PTPRD: variants seen among roughly 807,000 people sequenced by gnomAD.
PTPRD encodes protein tyrosine phosphatase receptor type D, also known as receptor-type tyrosine-protein phosphatase delta.
A neutral mutation model predicts 214.5 loss-of-function variants in PTPRD; 34 were observed. The ratio of observed to expected loss-of-function variants is 0.16; its 90% CI spans 0.12 to 0.21. PTPRD has a LOEUF of 0.21. Among genes scored for constraint, PTPRD ranks in the 10% least tolerant of loss-of-function variants. The pLI, the probability that PTPRD is intolerant of heterozygous loss-of-function variation, is 1.00. For missense variants in PTPRD, 2,545 were observed against 2,398.7 expected, an observed-to-expected ratio of 1.06 and a Z score of -1.27; for synonymous variants, 1,128 against 845.7, an observed-to-expected ratio of 1.33 and a Z score of -5.79.
chr9:9,932,159 A>C (rs1448892666), intron 5 of PTPRD, among the ~76,000 whole-genome samples: 1 of 148,388 alleles, frequency 6.7e-6, no homozygotes, highest in Non-Finnish European at 1.5e-5. Context: ...AAACTCTAAA[A>C]TGCAGAGTGC....
At chr9:10,350,058 A>G (rs570791581) in intron 2 of PTPRD, among the ~76,000 whole-genome samples, 1 of 152,344 alleles carries the variant, frequency 6.6e-6, no homozygotes, top group South Asian at 2.1e-4. Context: ...ATAAGTTCAC[A>G]GACTAGAAAA....
intron 2 of PTPRD, among the ~76,000 whole-genome samples, chr9:10,592,944 G>A (rs1300898043): frequency 6.6e-6 from 1 of 151,734 alleles, no homozygotes; most frequent in African/African-American, 2.4e-5. Flanking sequence ...TGGAAGCTTT[G>A]TTCTTTCATG....
chr9:8,999,908 T>C lies in PTPRD; in HGVS notation c.-104+18789A>G, dbSNP rs62529158. 7.6e-3 allele frequency among the ~76,000 whole-genome samples: 1,152 copies of C among 152,082 alleles called. 8 individuals carry two copies. Among genetic ancestry groups the C allele is most frequent in the Non-Finnish European group, 0.013 (870 of 67,958 alleles). ...AAGAAAAATAAATCCTCTCAACAAT[T>C]TTCTAAAAGCCTGGCTAAACTAGGG... On this transcript the variant is annotated intron_variant, in intron 11 of 45. Transcript: ENST00000381196.
chr9:9,887,527 A>G (rs16930507), intron 5 of PTPRD, among the ~76,000 whole-genome samples: 11,870 of 152,178 alleles, frequency 0.078, 1,430 homozygotes, highest in African/African-American at 0.26. Flanking sequence ...GGTAAAGCCC[A>G]TCATCAAGGG....
At chr9:9,695,581 T>A (rs924820608) in intron 7 of PTPRD, among the ~76,000 whole-genome samples, 1 of 152,220 alleles carries the variant, frequency 6.6e-6, no homozygotes, top group Non-Finnish European at 1.5e-5. Flanking sequence ...GTTCCTTTTA[T>A]ACCCAGTTTA....
chr9:10,326,490 A>T (rs752958665), intron 3 of PTPRD, among the ~76,000 whole-genome samples: 2 of 151,710 alleles, frequency 1.3e-5, no homozygotes, highest in East Asian at 3.9e-4. Flanking sequence ...AAAGCCAAAA[A>T]GTTGAATATT....
intron 11 of PTPRD, among the ~76,000 whole-genome samples, chr9:8,742,480 T>C (rs1237645468): frequency 6.6e-6 from 1 of 152,224 alleles, no homozygotes; most frequent in Non-Finnish European, 1.5e-5. Flanking sequence ...ACAGGTTTTC[T>C]TAATGAATGC....
At chr9:8,685,733 G>A (rs2154376591) in intron 12 of PTPRD, among the ~76,000 whole-genome samples, 1 of 152,294 alleles carries the variant, frequency 6.6e-6, no homozygotes, top group South Asian at 2.1e-4. Flanking sequence ...AGCCACAGAA[G>A]AGGTACAGGC....
intron 10 of PTPRD, among the ~76,000 whole-genome samples, chr9:9,060,414 A>G (rs2099704906): frequency 6.6e-6 from 1 of 152,204 alleles, no homozygotes; most frequent in Admixed American, 6.5e-5. Flanking sequence ...AAATAACATG[A>G]GAATAATTTT....
chr9:10,266,810 G>T (rs547478962), intron 3 of PTPRD, among the ~76,000 whole-genome samples: 5 of 152,240 alleles, frequency 3.3e-5, no homozygotes, highest in African/African-American at 1.2e-4. Context: ...AATTTAGCGT[G>T]TAAAGCCCAT....
chr9:10,076,184 G>A (rs12000430), intron 3 of PTPRD, among the ~76,000 whole-genome samples: 4,538 of 152,012 alleles, frequency 0.03, 162 homozygotes, highest in African/African-American at 0.083. Flanking sequence ...GAGGGTCTAC[G>A]TCTTGCACTG....
intron 8 of PTPRD, among the ~76,000 whole-genome samples, chr9:9,402,985 A>C (rs1466452022): frequency 2.8e-4 from 41 of 147,264 alleles, no homozygotes; most frequent in Non-Finnish European, 5.2e-4. Flanking sequence ...AAAAAAAAAA[A>C]AAAACACCAA....
At chr9:8,441,891 C>T (rs928946029) in intron 34 of PTPRD, among the ~76,000 whole-genome samples, 15 of 152,162 alleles carry the variant, frequency 9.9e-5, no homozygotes, top group African/African-American at 2.7e-4. Context: ...TTTCACATGA[C>T]GCCATGCTGT....
chr9:9,521,552 A>T (rs1051843989), intron 8 of PTPRD, among the ~76,000 whole-genome samples: 2 of 152,160 alleles, frequency 1.3e-5, no homozygotes, highest in African/African-American at 2.4e-5. Context: ...CTAGGAATGC[A>T]CTTTCTCTAA....
rs540060619 is a variant in PTPRD, at chr9:8,357,432, G to A, written c.4662-15454C>T. ...GTCTAGGCCTATTTGGAGACCCCAA[G>A]CTGCCTTCCTTACTGGACTGGAACC... is the stretch of plus-strand genomic sequence containing the variant. On this transcript the variant is annotated intron_variant, in intron 39 of 45. Transcript: ENST00000381196. 2.6e-5 allele frequency among the ~76,000 whole-genome samples: 4 copies of A among 152,276 alleles called. No individual in the cohort carries two copies. The East Asian group carries it at 7.7e-4, about 29-fold the overall frequency.
rs1476404332 is a variant in PTPRD at position 9,140,808 on chromosome 9, G to C, written c.-143+42496C>G. On this transcript the variant is annotated intron_variant, in intron 10 of 45. Coordinates refer to ENST00000381196, the MANE Select transcript of PTPRD (RefSeq NM_002839.4). ...TTAGCCAGGATGGTCTCGATCTCCT[G>C]ACCTCGTGATCTGCCCGCCTCAGCC... 2.6e-5 allele frequency among the ~76,000 whole-genome samples: 4 copies of C among 152,234 alleles called. No homozygotes were observed. In the East Asian group the frequency reaches 7.8e-4, roughly 30 times the overall value.
At chr9:9,214,127 C>T (rs1485228602) in intron 9 of PTPRD, among the ~76,000 whole-genome samples, 1 of 152,046 alleles carries the variant, frequency 6.6e-6, no homozygotes, top group Non-Finnish European at 1.5e-5. Context: ...GTTGTCTGCC[C>T]CCTACTAACT....
At chr9:9,966,317 A>T (rs1243322051) in intron 4 of PTPRD, among the ~76,000 whole-genome samples, 1 of 152,152 alleles carries the variant, frequency 6.6e-6, no homozygotes, top group Non-Finnish European at 1.5e-5. Context: ...TAAAATCTTC[A>T]GACTTTCTAG....
intron 8 of PTPRD, among the ~76,000 whole-genome samples, chr9:9,469,922 G>A (rs1249226882): frequency 6.6e-6 from 1 of 152,130 alleles, no homozygotes; most frequent in African/African-American, 2.4e-5. Flanking sequence ...TCAGGCTATG[G>A]GGAACATTAT....
Sources: gnomAD v4.1 joint callset for allele counts (sites outside exome capture counted in the v4.1 genomes callset) on GRCh38, gnomAD v4.1.1 for gene constraint, MANE v1.5 for transcripts, NCBI Gene and HGNC (gene_info 2026-07-23, HGNC 2026-07-21) for gene names.